The following DMKN variants were observed in gnomAD, a reference collection of about 807,000 sequenced individuals.
DMKN encodes epidermis-specific secreted protein SK30/SK89.
Under a neutral mutation model 67.6 loss-of-function variants are expected in DMKN, and 58 were observed. The observed-to-expected ratio is 0.86, with a 90% CI of 0.69 to 1.07. The LOEUF is 1.07. Among genes scored for constraint, DMKN ranks in the 50% least tolerant of loss-of-function variants. The pLI is 0.00. For missense variants in DMKN, 596 were observed against 601.5 expected, an observed-to-expected ratio of 0.99 and a Z score of 0.10; for synonymous variants, 240 against 232.3, an observed-to-expected ratio of 1.03 and a Z score of -0.30.
chr19:35,502,351 T>C (rs952479405), intron 10 of DMKN, among the ~76,000 whole-genome samples, 168 bp from the exon 11 acceptor site: 5 of 151,764 alleles, frequency 3.3e-5, no homozygotes, highest in African/African-American at 9.7e-5. Flanking sequence ...GCACTTGAGA[T>C]GGTATTGGTG....
At chr19:35,501,118 C>A (rs528025647) in intron 11 of DMKN, among the ~76,000 whole-genome samples, 23 of 152,248 alleles carry the variant, frequency 1.5e-4, no homozygotes, top group African/African-American at 4.1e-4. Context: ...ACCGGACACC[C>A]CCCCCAGCCC....
At chr19:35,506,014 G>A in intron 7 of DMKN, 28 bp from the exon 8 acceptor site, 1 of 1,614,158 alleles carries the variant, frequency 6.2e-7, no homozygotes. Flanking sequence ...TATGGGATGA[G>A]AGAAGAACCC....
intron 11 of DMKN, among the ~76,000 whole-genome samples, chr19:35,501,515 A>G (rs1392995889): frequency 6.6e-6 from 1 of 152,176 alleles, no homozygotes. Context: ...CCACCTGTCC[A>G]GCCTCATATA....
chr19:35,506,091 G>C, intron 7 of DMKN, 105 bp from the exon 8 acceptor site: 2 of 1,603,880 alleles, frequency 1.2e-6, no homozygotes, highest in Non-Finnish European at 1.7e-6. Flanking sequence ...TGACACCATG[G>C]TCCCAGCCCA....
chr19:35,512,290 G>A (rs937904809), intron 3 of DMKN, 131 bp downstream of exon 3: 29 of 1,273,682 alleles, frequency 2.3e-5, no homozygotes, highest in East Asian at 1.3e-4. Context: ...GAGCCACCTC[G>A]CCCAGCCCCA....
chr19:35,509,952 G>C lies in DMKN; in HGVS notation c.997C>G (p.Pro333Ala), dbSNP rs754442596. 1.7e-5 allele frequency: 28 copies of C among 1,614,010 alleles called. No homozygotes were observed. Among genetic ancestry groups the C allele is most frequent in the Non-Finnish European group, 2.2e-5 (26 of 1,180,014 alleles). The change falls in exon 7 of 16, where the codon CCA (proline) becomes GCA (alanine). Residue 333 changes from proline (P) to alanine (A), a missense_variant. Physicochemically the swap from Pro to Ala is conservative, Grantham distance 27. Coordinates refer to ENST00000339686, the MANE Select transcript of DMKN (RefSeq NM_033317.5). ...GNGHKPGCEK[P>A]GNEARGSGES... ...CCGCTCCCGCGGGCTTCATTCCCTG[G>C]CTTTTCACACTGCCGGGGAGAGAAA...
At chr19:35,512,902 TG>T (rs2071060572) in intron 1 of DMKN, 112 bp from the exon 2 acceptor site, 1 of 1,501,992 alleles carries the variant, frequency 6.7e-7, no homozygotes. Flanking sequence ...GACTCCAGGG[TG>T]GCATAGGAGG....
intron 7 of DMKN, chr19:35,507,404 G>A: frequency 1.3e-6 from 2 of 1,493,548 alleles, no homozygotes; most frequent in Non-Finnish European, 9.1e-7. Flanking sequence ...CAGGATCTTA[G>A]CATGCTTCAC....
chr19:35,503,309 G>A (rs2068749094), intron 9 of DMKN: 2 of 1,529,908 alleles, frequency 1.3e-6, no homozygotes, highest in Admixed American at 2.2e-5. Context: ...AGGAGTGTGG[G>A]GCAGCTAAGG....
chr19:35,510,535 C>T, intron 5 of DMKN: 1 of 1,536,470 alleles, frequency 6.5e-7, no homozygotes, highest in East Asian at 2.5e-5. Context: ...AGCCCGGCCG[C>T]GCAGTAGCCG....
In DMKN at chr19:35,499,664, T is replaced by C. The variant is rs546822248; in HGVS notation, c.1359+294A>G. ...GCAGGTGTCATGATTTTTTAAAGCC[T>C]ATATTCTTCTTGGAGAGGGTGTTGG... On this transcript the variant is annotated intron_variant, in intron 13 of 15. Coordinates refer to ENST00000339686, the MANE Select transcript of DMKN (RefSeq NM_033317.5). Among the ~76,000 whole-genome samples the C allele has an allele frequency of 5.9e-5, 9 of 152,238 alleles. No homozygotes were observed. In the South Asian group the frequency reaches 1.9e-3, roughly 32 times the overall value.
At position 35,500,538 on chromosome 19, in the gene DMKN, C is replaced by A. The variant is rs547354931; in HGVS notation, c.1282G>T (p.Asp428Tyr). ...SSLQKRAGRD[D>Y]QNYNYNQHAY... Reference sequence around the variant, plus strand: ...ACTTGAGGACAGAGACTCACCTGATCGTCTCTGCCTGCACGTTTCTGCAGT... The same window carrying A: ...ACTTGAGGACAGAGACTCACCTGATAGTCTCTGCCTGCACGTTTCTGCAGT... Residue 428 changes from aspartate to tyrosine, a missense_variant, in exon 12 of 16, where the codon GAT becomes TAT. Transcript: ENST00000339686. 2 of 1,611,770 alleles carry A rather than the reference C, an allele frequency of 1.2e-6. No homozygotes were observed. Among genetic ancestry groups the A allele is most frequent in the East Asian group, 2.2e-5 (1 of 44,848 alleles).
Position 35,513,466 on chromosome 19 carries a change from G to A in DMKN, c.10C>T (p.Gln4Ter), listed in dbSNP as rs2071121972. 1 of 1,596,960 alleles carries A rather than the reference G, an allele frequency of 6.3e-7. No homozygotes were observed. The highest frequency in any genetic ancestry group is 8.5e-7 in the Non-Finnish European group (1 of 1,178,726). The change falls in exon 1 of 16, where the codon CAG (glutamine) becomes TAG (stop). Residue 4 changes from glutamine (Q) to a stop codon, truncating the protein, a stop_gained. Transcript: ENST00000339686. LOFTEE classifies it high-confidence loss of function. MKF[Q>*]GPLACLLLAL... is the part of the protein sequence containing the mutation. ...AGCAGGAGGCAGGCCAGGGGCCCCT[G>A]GAACTTCATCTCTGCCCAGCCCCCT...
intron 4 of DMKN, 65 bp downstream of exon 4, chr19:35,511,698 A>C (rs1207710063): frequency 6.3e-7 from 1 of 1,595,684 alleles, no homozygotes; most frequent in Non-Finnish European, 8.6e-7. Flanking sequence ...TGCCCAGTCT[A>C]AGGGGAGCAG....
chr19:35,511,519 A>ACCACTGCTGCTG lies in DMKN; in HGVS notation c.798_809dup (p.Ser267_Gly270dup). 1 of 1,226,802 alleles carries ACCACTGCTGCTG rather than the reference A, an allele frequency of 8.2e-7. No individual in the cohort carries two copies. Among genetic ancestry groups the ACCACTGCTGCTG allele is most frequent in the Non-Finnish European group, 1.1e-6 (1 of 946,136 alleles). 76.0% of individuals were successfully genotyped at this position (1,226,802 alleles called of 1,614,324 possible). On this transcript the variant is annotated inframe_insertion, in exon 5 of 16. Transcript: ENST00000339686. ...CACTGCTGCTGCCACTGCTGCTGCC[A>ACCACTGCTGCTG]CCACTGCTGCTGCCATTGTTGTTGT...
chr19:35,501,867 G>A, intron 11 of DMKN: 1 of 1,586,898 alleles, frequency 6.3e-7, no homozygotes, highest in Non-Finnish European at 8.6e-7. Context: ...AGCAGGAGCA[G>A]GAGCAGAGCA....
chr19:35,507,910 G>A (rs1251116835), intron 7 of DMKN: 11 of 462,582 alleles, frequency 2.4e-5, no homozygotes, highest in Middle Eastern at 5.7e-4. Flanking sequence ...CCCTGTCTGG[G>A]CTGATTGGCA....
rs1265343274 is a variant in DMKN, at chr19:35,499,911, C to T, written c.1359+47G>A. 6 of 1,604,278 alleles carry T rather than the reference C, an allele frequency of 3.7e-6. No homozygotes were observed. The African/African-American group carries it at 8.0e-5, about 21-fold the overall frequency. On this transcript the variant is annotated intron_variant, in intron 13 of 15. Transcript: ENST00000339686. ...GCAGTGAAAGCCTCTCTCCCCATCC[C>T]TCATGCAGAGCCCCCAGCGGGAAGA...
At chr19:35,510,429 G>C (rs1302125719) in intron 5 of DMKN, 177 bp from the exon 6 acceptor site, 24 of 1,552,210 alleles carry the variant, frequency 1.5e-5, no homozygotes, top group Non-Finnish European at 2.0e-5. Flanking sequence ...TCCGAGCATG[G>C]AGAAGGCCAG....
Sources: allele counts gnomAD v4.1 joint callset (sites outside exome capture counted in the v4.1 genomes callset), GRCh38; gene constraint gnomAD v4.1.1; transcripts MANE v1.5; gene names NCBI Gene and HGNC (gene_info 2026-07-23, HGNC 2026-07-21).